INO80: variants seen among roughly 807,000 people sequenced by gnomAD.
INO80 encodes the protein chromatin-remodeling ATPase INO80.
Under a neutral mutation model 203.4 loss-of-function variants are expected in INO80, and 20 were observed. The ratio of observed to expected loss-of-function variants is 0.10; its 90% CI spans 0.07 to 0.14. INO80 has a LOEUF of 0.14. Among genes scored for constraint, INO80 ranks in the 10% least tolerant of loss-of-function variants. The pLI, the probability that INO80 is intolerant of heterozygous loss-of-function variation, is 1.00. For missense variants in INO80, 1,419 were observed against 1,914.4 expected (o/e 0.74, Z 4.83); for synonymous variants, 726 against 685.2 (o/e 1.06, Z -0.93).
intron 14 of INO80, among the ~76,000 whole-genome samples, chr15:41,068,190 C>T (rs751418943): frequency 1.3e-5 from 2 of 151,284 alleles, no homozygotes; most frequent in African/African-American, 2.4e-5. Context: ...GGGAGGCTGA[C>T]GCAGAAGGAT....
At chr15:41,065,436 TAAAACAA>T (rs558920360) in intron 14 of INO80, among the ~76,000 whole-genome samples, 303 of 151,900 alleles carry the variant, frequency 2.0e-3, no homozygotes, top group African/African-American at 6.9e-3. Flanking sequence ...CTCTGTGTCA[TAAAACAA>T]AAAACAAAAA....
At chr15:41,066,846 CAAAAAAAAA>C (rs58118605) in intron 14 of INO80, among the ~76,000 whole-genome samples, 3,719 of 70,614 alleles carry the variant, frequency 0.053, 89 homozygotes, top group South Asian at 0.11. Context: ...AAAAAAAAAG[CAAAAAAAAA>C]AAAAAAAATC....
intron 1 of INO80, among the ~76,000 whole-genome samples, chr15:41,108,202 G>T (rs1054194558): frequency 6.6e-6 from 1 of 152,136 alleles, no homozygotes; most frequent in African/African-American, 2.4e-5. Flanking sequence ...TTATCAAGCA[G>T]TAACTTTAAC....
In INO80 at chr15:41,074,420, T is replaced by C. The variant is rs1332484048; in HGVS notation, c.1277A>G (p.Gln426Arg). The C allele has an allele frequency of 3.1e-6, 5 of 1,613,892 alleles. No homozygotes were observed. In the East Asian group the frequency reaches 1.1e-4, roughly 36 times the overall value. The change falls in exon 10 of 36, where the codon CAA (glutamine) becomes CGA (arginine). Residue 426 changes from glutamine (Q) to arginine (R), a missense_variant. This residue lies in a region of INO80 where 116 missense variants were observed against 119.5 expected (regional missense o/e 0.97). Coordinates refer to ENST00000648947, the MANE Select transcript of INO80 (RefSeq NM_017553.3). ...RKLEDSSTQR[Q>R]IDIGGGVVVN... is the part of the protein sequence containing the mutation. ...TACCACTCCTCCACCTATATCGATT[T>C]GTCTCTGGGTAGAACTGTCTTCCAG...
intron 16 of INO80, 150 bp from the exon 17 acceptor site, chr15:41,056,856 C>A (rs1357140647): frequency 1.3e-5 from 8 of 627,728 alleles, no homozygotes; most frequent in Non-Finnish European, 2.0e-5. Context: ...AAACATTATT[C>A]AACAAAGCTG....
At chr15:41,046,092 T>C (rs1283202300) in intron 23 of INO80, among the ~76,000 whole-genome samples, 1 of 150,698 alleles carries the variant, frequency 6.6e-6, no homozygotes, top group Admixed American at 6.6e-5. Flanking sequence ...TAGAAACAAG[T>C]AAACAAGACT....
At chr15:41,034,788 A>G (rs1048267000) in intron 24 of INO80, among the ~76,000 whole-genome samples, 5 of 152,208 alleles carry the variant, frequency 3.3e-5, no homozygotes, top group African/African-American at 1.2e-4. Context: ...ACTTTTTAAG[A>G]CTGATCTGGA....
intron 24 of INO80, among the ~76,000 whole-genome samples, chr15:41,030,601 AT>A (rs2044444246): frequency 6.6e-6 from 1 of 151,718 alleles, no homozygotes; most frequent in Admixed American, 6.6e-5. Flanking sequence ...GCCACAAGTG[AT>A]CCCCTCTCCT....
intron 1 of INO80, among the ~76,000 whole-genome samples, chr15:41,104,795 C>G (rs933281007): frequency 3.3e-5 from 5 of 152,110 alleles, no homozygotes; most frequent in African/African-American, 1.2e-4. Flanking sequence ...CTGCCTTGGC[C>G]TCCCAAAGTG....
chr15:41,017,349 G>A (rs1443350419), intron 26 of INO80: 2 of 152,196 alleles, frequency 1.3e-5, no homozygotes, highest in Non-Finnish European at 2.9e-5. Context: ...GAGGGGAAGA[G>A]TTTAGGTTTA....
At chr15:41,077,198 C>T (rs1191496472) in intron 9 of INO80, among the ~76,000 whole-genome samples, 6 of 148,048 alleles carry the variant, frequency 4.1e-5, no homozygotes, top group Middle Eastern at 3.4e-3. Flanking sequence ...TGAGCCACCG[C>T]GCCCAGCCTT....
intron 4 of INO80, 90 bp from the exon 5 acceptor site, chr15:41,092,272 C>T (rs538367410): frequency 3.0e-6 from 3 of 1,009,190 alleles, no homozygotes; most frequent in Non-Finnish European, 4.2e-6. Context: ...AAAACAATGA[C>T]AAAAACAGCA....
intron 29 of INO80, among the ~76,000 whole-genome samples, chr15:40,996,861 A>G (rs1357139052): frequency 6.6e-6 from 1 of 152,246 alleles, no homozygotes. Flanking sequence ...TATAGCTCCT[A>G]AAACAAATCT....
Position 41,088,176 on chromosome 15 carries a change from C to T in INO80, c.538-494G>A, listed in dbSNP as rs570728880. ...CATGATCTGGGCTCACTGCAACCTC[C>T]GCCCCTTGGTTCAAGCGATTCTCGT... is the stretch of plus-strand genomic sequence containing the variant. On this transcript the variant is annotated intron_variant, in intron 5 of 35. Coordinates refer to ENST00000648947, the MANE Select transcript of INO80 (RefSeq NM_017553.3). 2.7e-3 allele frequency among the ~76,000 whole-genome samples: 402 copies of T among 150,814 alleles called. 7 individuals carry two copies. The South Asian group carries it at 0.053, about 20-fold the overall frequency.
At chr15:41,052,789 C>T (rs561453175) in intron 19 of INO80, among the ~76,000 whole-genome samples, 5 of 150,732 alleles carry the variant, frequency 3.3e-5, no homozygotes, top group African/African-American at 1.2e-4. Context: ...CTTTCAGAGG[C>T]CCAGGCGGGT....
chr15:41,057,510 T>C (rs556435621), intron 16 of INO80, among the ~76,000 whole-genome samples: 1 of 144,636 alleles, frequency 6.9e-6, no homozygotes, highest in Non-Finnish European at 1.5e-5. Flanking sequence ...TTTCTGAGGA[T>C]AGAAAGTTCC....
chr15:41,082,292 A>G (rs866415571), intron 7 of INO80, among the ~76,000 whole-genome samples: 42 of 148,612 alleles, frequency 2.8e-4, no homozygotes, highest in Admixed American at 2.1e-3. Flanking sequence ...GGCCAGGCGC[A>G]GTGGCTTACA....
At position 41,051,874 on chromosome 15, in the gene INO80, C is replaced by T. The variant is rs867386924; in HGVS notation, c.2275-1772G>A. 7.9e-5 allele frequency among the ~76,000 whole-genome samples: 12 copies of T among 152,276 alleles called. No homozygotes were observed. The South Asian group carries it at 1.7e-3, about 21-fold the overall frequency. On this transcript the variant is annotated intron_variant, in intron 19 of 35. Coordinates refer to ENST00000648947, the MANE Select transcript of INO80 (RefSeq NM_017553.3). ...TAGGGAGGCTGAGGCAGGCGAGTCGCTTGAATCCGGCAGGCGGAGGTTGCA... is the reference window on the plus strand; with the variant it reads ...TAGGGAGGCTGAGGCAGGCGAGTCGTTTGAATCCGGCAGGCGGAGGTTGCA...
At chr15:41,087,800 CA>C (rs530349316) in intron 5 of INO80, 118 bp from the exon 6 acceptor site, 3 of 986,362 alleles carry the variant, frequency 3.0e-6, no homozygotes, top group Non-Finnish European at 4.2e-6. Context: ...ATTCTTCCCA[CA>C]AAGAGATCAG....
Sources: allele counts gnomAD v4.1 joint callset (sites outside exome capture counted in the v4.1 genomes callset), GRCh38; gene constraint gnomAD v4.1.1; regional missense constraint gnomAD v4.1.1; transcripts MANE v1.5; gene names NCBI Gene and HGNC (gene_info 2026-07-23, HGNC 2026-07-21).